NEB: variants seen among roughly 807,000 people sequenced by gnomAD.
NEB encodes nemaline myopathy type 2.
In NEB, 512 loss-of-function variants were observed where a neutral mutation model predicts 952.2. The observed-to-expected ratio is 0.54, with a 90% CI of 0.50 to 0.58. NEB has a LOEUF of 0.58. NEB is among the 20% of genes least tolerant of loss of function. The pLI, the probability that NEB is intolerant of heterozygous loss-of-function variation, is 0.00. For missense variants in NEB, 8,428 were observed against 9,231.1 expected (o/e 0.91, Z 3.56); for synonymous variants, 2,900 against 3,149.8 (o/e 0.92, Z 2.66).
chr2:151,611,769 T>C (rs1439446551), intron 78 of NEB, among the ~76,000 whole-genome samples: 1 of 152,236 alleles, frequency 6.6e-6, no homozygotes, highest in Non-Finnish European at 1.5e-5. Flanking sequence ...TTTGAATGTG[T>C]ACCAGCATTG....
At chr2:151,561,408 G>T in intron 121 of NEB, 96 bp from the exon 122 acceptor site, 1 of 827,782 alleles carries the variant, frequency 1.2e-6, no homozygotes, top group Non-Finnish European at 2.0e-6. Context: ...TTTATTTCTG[G>T]ATTTCTGCTT....
In NEB at chr2:151,581,717, ATAAAT is replaced by A. The variant is rs1291231183; in HGVS notation, c.16180-135_16180-131del. On this transcript the variant is annotated intron_variant, in intron 102 of 181. Transcript: ENST00000397345. ...AAAAAAATTTTAAGTGAATTTTATA[ATAAAT>A]TAAAACTAACATAAGTAAATTAAAA... is the stretch of plus-strand genomic sequence containing the variant. The A allele has an allele frequency of 2.4e-4, 215 of 913,096 alleles. 3 individuals are homozygous for A. In the African/African-American group the frequency reaches 3.0e-3, roughly 13 times the overall value. The allele number at this position is 913,096 out of a possible 1,614,324, so 56.6% of individuals were successfully genotyped here. A position where few individuals can be genotyped will look rare whatever the true frequency, so the allele number is the denominator to read the frequency against.
At chr2:151,710,700 T>A (rs949811392) in intron 10 of NEB, among the ~76,000 whole-genome samples, 162 bp from the exon 11 acceptor site, 2 of 152,164 alleles carry the variant, frequency 1.3e-5, no homozygotes, top group Non-Finnish European at 2.9e-5. Context: ...TACTGTCAAT[T>A]TACCCAACCA....
At chr2:151,562,463 CA>C in intron 120 of NEB, 147 bp downstream of exon 120, 1 of 790,478 alleles carries the variant, frequency 1.3e-6, no homozygotes, top group Non-Finnish European at 2.0e-6. Flanking sequence ...ATTCTTATAC[CA>C]AAAAGTGGCT....
chr2:151,565,834 G>A lies in NEB; in HGVS notation c.18157-14C>T. 6.4e-7 allele frequency: 1 copy of A among 1,570,538 alleles called. No individual in the cohort carries two copies. Among genetic ancestry groups the A allele is most frequent in the Non-Finnish European group, 8.7e-7 (1 of 1,146,968 alleles). On this transcript the variant is annotated splice_polypyrimidine_tract_variant and intron_variant, in intron 114 of 181. Transcript: ENST00000397345. ...TCTGTAGACATTCTGAGAGCAGGAA[G>A]AGAGATATAATGGAGGAATAAATGA...
In NEB at chr2:151,727,775, C is replaced by T. The variant is rs2150921066; in HGVS notation, c.210G>A (p.Lys70=). 2 of 1,613,776 alleles carry T rather than the reference C, an allele frequency of 1.2e-6. No individual in the cohort carries two copies. The highest frequency in any genetic ancestry group is 1.7e-6 in the Non-Finnish European group (2 of 1,179,792). The change falls in exon 5 of 182, where the codon AAG becomes AAA. Residue 70 remains lysine (K), a synonymous_variant. Transcript: ENST00000397345. ...PASAKPVERR[K]VIRKKVDPSK... is the part of the protein sequence containing the mutation. ...AAGGATCCACTTTCTTCCGGATGAC[C>T]TTCCTCCTCTCCACCGGCTTTGCTG...
intron 168 of NEB, 159 bp from the exon 169 acceptor site, chr2:151,499,549 A>G (rs1321701766): frequency 3.9e-6 from 2 of 510,784 alleles, no homozygotes; most frequent in African/African-American, 2.0e-5. Context: ...GGGTGAGAAC[A>G]TGTTTTGTAT....
chr2:151,568,716 T>C lies in NEB; in HGVS notation c.17536A>G (p.Lys5846Glu). ...GTTTCTATTTTTGTGCGATATTTTT[T>C]CTATGGGAAAGAAAGCATCTTTTAG... ...AKHAADIFSE[K>E]KYRTKIETLN... Residue 5846 changes from lysine to glutamate, a missense_variant and splice_region_variant, in exon 111 of 182, where the codon AAA becomes GAA. Physicochemically the swap from Lys to Glu is moderately conservative, Grantham distance 56. Transcript: ENST00000397345. The C allele has an allele frequency of 6.3e-7, 1 of 1,582,132 alleles. No individual in the cohort carries two copies. The highest frequency in any genetic ancestry group is 1.2e-5 in the South Asian group (1 of 86,910).
rs2061033782 is a variant in NEB at position 151,497,520 on chromosome 2, A to AAATTT, written c.24300+101_24300+105dup. 2.0e-6 allele frequency: 3 copies of AAATTT among 1,499,918 alleles called. No homozygotes were observed. The African/African-American group carries it at 4.3e-5, about 21-fold the overall frequency. 92.9% of individuals were successfully genotyped at this position (1,499,918 alleles called of 1,614,324 possible). On this transcript the variant is annotated intron_variant, in intron 171 of 181. Transcript: ENST00000397345. Reference sequence around the variant, plus strand: ...GATAAATTTGCTAAAGAAATTCACAAAATTTAAGTTGTCTTTAAAAAGTAG... The same window carrying AAATTT: ...GATAAATTTGCTAAAGAAATTCACAAAATTTAATTTAAGTTGTCTTTAAAAAGTAG...
intron 10 of NEB, 147 bp from the exon 11 acceptor site, chr2:151,710,685 C>A (rs2099742380): frequency 1.1e-5 from 6 of 524,164 alleles, no homozygotes; most frequent in Non-Finnish European, 2.0e-5. Context: ...AAAAATCTTC[C>A]AATGTACTGT....
chr2:151,728,288 G>A (rs548964642), intron 4 of NEB, among the ~76,000 whole-genome samples: 128 of 152,188 alleles, frequency 8.4e-4, no homozygotes, highest in African/African-American at 2.9e-3. Context: ...ACTTGAGTTC[G>A]GGGAACAAAA....
At chr2:151,546,050 A>G (rs2094635345) in intron 134 of NEB, 52 bp from the exon 135 acceptor site, 1 of 1,128,596 alleles carries the variant, frequency 8.9e-7, no homozygotes, top group African/African-American at 1.6e-5. Context: ...CATTTAAGGG[A>G]TTCATGTCAT....
chr2:151,554,054 T>C lies in NEB; in HGVS notation c.19429-29A>G, dbSNP rs1048636550. 5.6e-6 allele frequency: 9 copies of C among 1,607,322 alleles called. No homozygotes were observed. In the African/African-American group the frequency reaches 9.4e-5, roughly 17 times the overall value. On this transcript the variant is annotated intron_variant, in intron 125 of 181. Coordinates refer to ENST00000397345, the MANE Select transcript of NEB (RefSeq NM_001164508.2). ...TAAAGTTAAAATCACATGCCAGTTA[T>C]ACAGGAAATTGTGCCAAGGCATCAT...
chr2:151,557,198 C>A (rs182283687), intron 124 of NEB, among the ~76,000 whole-genome samples: 66 of 152,234 alleles, frequency 4.3e-4, no homozygotes, highest in Admixed American at 2.2e-3. Context: ...CACCACCGTT[C>A]CCACAGAAAT....
At position 151,633,908 on chromosome 2, in the gene NEB, T is replaced by C. The variant is rs2098711995; in HGVS notation, c.9160A>G (p.Ile3054Val). The change falls in exon 65 of 182, where the codon ATT becomes GTT. Residue 3054 changes from isoleucine (I) to valine (V), a missense_variant. Ile to Val is a conservative substitution (Grantham distance 29, BLOSUM62 3). Coordinates refer to ENST00000397345, the MANE Select transcript of NEB (RefSeq NM_001164508.2). ...CACATCATCTTGGGGTCATCTTCAA[T>C]GTTCCGGGCTCCAATATGGTGGCCA... ...QLGHHIGARN[I>V]EDDPKMMWSM... The C allele has an allele frequency of 1.2e-6, 2 of 1,613,908 alleles. No individual in the cohort carries two copies. Among genetic ancestry groups the C allele is most frequent in the South Asian group, 1.1e-5 (1 of 91,094 alleles).
intron 147 of NEB, among the ~76,000 whole-genome samples, 185 bp from the exon 148 acceptor site, chr2:151,527,207 C>T (rs547284355): frequency 6.6e-6 from 1 of 151,564 alleles, no homozygotes; most frequent in South Asian, 2.1e-4. Flanking sequence ...GCTGCCAGGA[C>T]CAAGCCCCTC....
Position 151,656,351 on chromosome 2 carries a change from A to G in NEB, c.6297T>C (p.Asp2099=). The change falls in exon 49 of 182, where the codon GAT becomes GAC. Residue 2099 remains aspartate (D), a synonymous_variant. Coordinates refer to ENST00000397345, the MANE Select transcript of NEB (RefSeq NM_001164508.2). ...HSMQVAKMQS[D]REYKKNYENT... is the part of the protein sequence containing the mutation. ...TCTCATAGTTTTTCTTGTACTCCCG[A>G]TCAGATTGCATCTTAGCCACTTGCA... 1.2e-6 allele frequency: 2 copies of G among 1,613,610 alleles called. No homozygotes were observed. Among genetic ancestry groups the G allele is most frequent in the Non-Finnish European group, 1.7e-6 (2 of 1,179,706 alleles).
In NEB at chr2:151,632,873, T is replaced by C. The variant is rs147400784; in HGVS notation, c.9414+781A>G. On this transcript the variant is annotated intron_variant, in intron 65 of 181. Coordinates refer to ENST00000397345, the MANE Select transcript of NEB (RefSeq NM_001164508.2). ...GTTGTATGGGTGACATCAACCCTTT[T>C]AAACTATCTTTTCTGTGCAGGCAAA... 9.2e-4 allele frequency among the ~76,000 whole-genome samples: 140 copies of C among 152,294 alleles called. 1 individual carries two copies. The highest frequency in any genetic ancestry group is 3.3e-3 in the African/African-American group (138 of 41,570).
intron 4 of NEB, 45 bp from the exon 5 acceptor site, chr2:151,727,951 CTG>C (rs2099796014): frequency 7.0e-7 from 1 of 1,437,388 alleles, no homozygotes; most frequent in Non-Finnish European, 9.7e-7. Context: ...AAAGTAAAAA[CTG>C]TGCTACTGTG....
Sources: gnomAD v4.1 joint callset for allele counts (sites outside exome capture counted in the v4.1 genomes callset) on GRCh38, gnomAD v4.1.1 for gene constraint, MANE v1.5 for transcripts, NCBI Gene and HGNC (gene_info 2026-07-23, HGNC 2026-07-21) for gene names.